FBXO33: variants seen among roughly 807,000 people sequenced by gnomAD.
FBXO33 encodes F-box protein 33.
FBXO33 carries 22 observed loss-of-function variants against 46.3 expected under a neutral mutation model. The ratio of observed to expected loss-of-function variants is 0.48; its 90% confidence interval spans 0.34 to 0.68. The LOEUF is 0.68. FBXO33 is among the 30% of genes least tolerant of loss of function. The pLI is 0.01. For synonymous variants in FBXO33, 337 were observed against 291.3 expected, an observed-to-expected ratio of 1.16 and a Z score of -1.60; for missense variants, 692 against 708.8, an observed-to-expected ratio of 0.98 and a Z score of 0.27.
chr14:39,398,545 C>T lies in FBXO33; in HGVS notation c.*971G>A, dbSNP rs996901376. 6.8e-6 allele frequency: 1 copy of T among 147,442 alleles called. No homozygotes were observed. The allele number at this position is 147,442 out of a possible 1,614,324, so 9.1% of individuals were successfully genotyped here. On this transcript the variant is annotated 3_prime_UTR_variant, in exon 4 of 4. Coordinates refer to ENST00000298097, the MANE Select transcript of FBXO33 (RefSeq NM_203301.4). ...CACAGCACAGCTGTGTACCACAGGT[C>T]GAAATTCGACCTTAAATATTACAAT...
In FBXO33 at chr14:39,432,094, C is replaced by T. The variant is rs781365413; in HGVS notation, c.69G>A (p.Arg23=). The change falls in exon 1 of 4, where the codon CGG becomes CGA. Residue 23 remains arginine, a synonymous_variant. Transcript: ENST00000298097. ...GCCGCAGCCGCCGCCACCGCGCCAC[C>T]CGGGCGGCCCCGGCTCGGGTTCGAG... The part of the protein sequence containing the change: ...PGARTRAGAA[R]VARWRRLRLQ... 3 of 1,241,934 alleles carry T rather than the reference C, an allele frequency of 2.4e-6. No homozygotes were observed. The highest frequency in any genetic ancestry group is 3.2e-5 in the East Asian group (1 of 31,482). 76.9% of individuals were successfully genotyped at this position (1,241,934 alleles called of 1,614,324 possible).
In FBXO33 at chr14:39,431,229, C is replaced by T. The variant is rs536941286; in HGVS notation, c.599+335G>A. The stretch of plus-strand genomic sequence containing the variant: ...TTCCAAGGCTCACCCACAGGCCTCA[C>T]CCTCCCAGTCTTAACGCTCCCATAT... On this transcript the variant is annotated intron_variant, in intron 1 of 3. Coordinates refer to ENST00000298097, the MANE Select transcript of FBXO33 (RefSeq NM_203301.4). Among the ~76,000 whole-genome samples, 4 of 152,280 alleles carry T rather than the reference C, an allele frequency of 2.6e-5. No homozygotes were observed. In the South Asian group the frequency reaches 8.3e-4, roughly 32 times the overall value.
chr14:39,408,883 C>G (rs115651000), intron 1 of FBXO33, among the ~76,000 whole-genome samples: 1 of 151,736 alleles, frequency 6.6e-6, no homozygotes, highest in Non-Finnish European at 1.5e-5. Flanking sequence ...TCAATGGATC[C>G]TCCCACCTGG....
At chr14:39,415,267 A>C (rs1472362739) in intron 1 of FBXO33, among the ~76,000 whole-genome samples, 1 of 152,082 alleles carries the variant, frequency 6.6e-6, no homozygotes, top group Non-Finnish European at 1.5e-5. Context: ...ACTGCACTCC[A>C]CCCCGGGTGT....
rs368150073 is a variant in FBXO33, at chr14:39,398,009, G to A, written c.*1507C>T. On this transcript the variant is annotated 3_prime_UTR_variant, in exon 4 of 4. Transcript: ENST00000298097. ...ACTGGAGACAAAACAGTGCACACCTGTCAAAAGGTCATTTTAATATAAGAT... is the reference window on the plus strand; with the variant it reads ...ACTGGAGACAAAACAGTGCACACCTATCAAAAGGTCATTTTAATATAAGAT... 1.3e-5 allele frequency: 2 copies of A among 152,756 alleles called. No individual in the cohort carries two copies. Among genetic ancestry groups the A allele is most frequent in the South Asian group, 4.1e-4 (2 of 4,832 alleles). 9.5% of individuals were successfully genotyped at this position (152,756 alleles called of 1,614,324 possible). A position where few individuals can be genotyped will look rare whatever the true frequency, so the allele number is the denominator to read the frequency against.
At chr14:39,426,510 T>C (rs1036624701) in intron 1 of FBXO33, among the ~76,000 whole-genome samples, 2 of 152,228 alleles carry the variant, frequency 1.3e-5, no homozygotes, top group African/African-American at 4.8e-5. Context: ...TAAAATTTTT[T>C]TCAGTGACTT....
chr14:39,429,376 A>C (rs2075531846), intron 1 of FBXO33, among the ~76,000 whole-genome samples: 1 of 152,246 alleles, frequency 6.6e-6, no homozygotes, highest in Admixed American at 6.5e-5. Context: ...GTAAAGAGCA[A>C]TGTCAAATGT....
intron 1 of FBXO33, among the ~76,000 whole-genome samples, chr14:39,429,970 C>T (rs1444564178): frequency 6.6e-6 from 1 of 152,234 alleles, no homozygotes; most frequent in African/African-American, 2.4e-5. Flanking sequence ...AGACACTTAT[C>T]AAGTCTTGTT....
intron 2 of FBXO33, 131 bp from the exon 3 acceptor site, chr14:39,401,992 T>C (rs1317237569): frequency 4.4e-6 from 3 of 683,744 alleles, no homozygotes; most frequent in Non-Finnish European, 7.3e-6. Flanking sequence ...GTAATTTCGA[T>C]TCAACCCACA....
At chr14:39,402,676 GA>G (rs1426821635) in intron 1 of FBXO33, among the ~76,000 whole-genome samples, 165 bp from the exon 2 acceptor site, 1 of 131,134 alleles carries the variant, frequency 7.6e-6, no homozygotes, top group Non-Finnish European at 1.6e-5. Context: ...CATATATTCA[GA>G]TTTTTTTTTT....
At chr14:39,416,095 T>C (rs1414459470) in intron 1 of FBXO33, among the ~76,000 whole-genome samples, 1 of 152,244 alleles carries the variant, frequency 6.6e-6, no homozygotes, top group Non-Finnish European at 1.5e-5. Context: ...TGCTTTGTGT[T>C]ATTTATTGTT....
chr14:39,411,519 TC>T (rs150347950), intron 1 of FBXO33, among the ~76,000 whole-genome samples: 38 of 150,222 alleles, frequency 2.5e-4, no homozygotes, highest in Non-Finnish European at 3.8e-4. Flanking sequence ...TTATTTGACT[TC>T]CCCCCCCTTT....
In FBXO33 at chr14:39,432,176, G is replaced by C; in HGVS notation, c.-14C>G. On this transcript the variant is annotated 5_prime_UTR_variant, in exon 1 of 4. Transcript: ENST00000298097. ...GAACAACAACATCAATGACTAGGAA[G>C]AAGGGGGCGGAACCGTCGTGGGTCT... 8.2e-7 allele frequency: 1 copy of C among 1,225,122 alleles called. No individual in the cohort carries two copies. Among genetic ancestry groups the C allele is most frequent in the Non-Finnish European group, 1.0e-6 (1 of 981,870 alleles). 75.9% of individuals were successfully genotyped at this position (1,225,122 alleles called of 1,614,324 possible). A position where few individuals can be genotyped will look rare whatever the true frequency, so the allele number is the denominator to read the frequency against.
At chr14:39,422,831 A>C (rs1245976893) in intron 1 of FBXO33, among the ~76,000 whole-genome samples, 1 of 152,254 alleles carries the variant, frequency 6.6e-6, no homozygotes, top group Non-Finnish European at 1.5e-5. Context: ...TGAATATTAA[A>C]AAATGCTTAA....
intron 1 of FBXO33, among the ~76,000 whole-genome samples, chr14:39,418,661 GC>G (rs1273235250): frequency 1.3e-5 from 2 of 150,844 alleles, no homozygotes; most frequent in African/African-American, 4.9e-5. Context: ...TGTAGTCCCA[GC>G]TACTCGGGAG....
In FBXO33 at chr14:39,431,549, T is replaced by A. The variant is rs757879866; in HGVS notation, c.599+15A>T. 1.2e-6 allele frequency: 2 copies of A among 1,609,448 alleles called. No individual in the cohort carries two copies. The highest frequency in any genetic ancestry group is 1.7e-5 in the Admixed American group (1 of 60,020). On this transcript the variant is annotated intron_variant, in intron 1 of 3. Transcript: ENST00000298097. The stretch of plus-strand genomic sequence containing the variant: ...CCCCCGTTACCGGGCGGGGCGGGGC[T>A]CAGGGCAAGCCTACCTGTTGTTCCG...
chr14:39,411,284 G>C (rs1345741907), intron 1 of FBXO33, among the ~76,000 whole-genome samples: 1 of 151,746 alleles, frequency 6.6e-6, no homozygotes, highest in Non-Finnish European at 1.5e-5. Flanking sequence ...AGTAGAGACA[G>C]GGTTTCACTA....
intron 1 of FBXO33, among the ~76,000 whole-genome samples, chr14:39,429,080 C>A (rs1369904717): frequency 6.6e-6 from 1 of 152,144 alleles, no homozygotes; most frequent in Non-Finnish European, 1.5e-5. Context: ...ATATATATAA[C>A]CCAGGAACCA....
At chr14:39,406,435 A>T (rs2075398824) in intron 1 of FBXO33, among the ~76,000 whole-genome samples, 1 of 152,186 alleles carries the variant, frequency 6.6e-6, no homozygotes, top group South Asian at 2.1e-4. Context: ...ACAACTATAA[A>T]ACTAGAGAAA....
Sources: gnomAD v4.1 joint callset for allele counts (sites outside exome capture counted in the v4.1 genomes callset) on GRCh38, gnomAD v4.1.1 for gene constraint, MANE v1.5 for transcripts, NCBI Gene and HGNC (gene_info 2026-07-23, HGNC 2026-07-21) for gene names.